EFCAB6: variants seen among roughly 807,000 people sequenced by gnomAD.
The protein encoded by EFCAB6 is EF-hand calcium-binding domain-containing protein 6.
In EFCAB6, 156 loss-of-function variants were observed where a neutral mutation model predicts 169.8. That is an observed-to-expected ratio of 0.92 (90% CI 0.81 to 1.05). The LOEUF is 1.05. Among genes scored for constraint, EFCAB6 ranks in the 50% least tolerant of loss-of-function variants. The probability of loss-of-function intolerance (pLI) is 0.00; values close to 1 mark genes in which losing one functional copy is unlikely to be tolerated. For synonymous variants in EFCAB6, 698 were observed against 676.4 expected (o/e 1.03, Z -0.50); for missense variants, 1,800 against 1,829.1 (o/e 0.98, Z 0.29).
At chr22:43,577,784 C>T (rs558276976) in intron 25 of EFCAB6, among the ~76,000 whole-genome samples, 59 of 152,052 alleles carry the variant, frequency 3.9e-4, no homozygotes, top group Middle Eastern at 3.4e-3. Context: ...GCTGCCCCTC[C>T]TCACTCCTTC....
intron 26 of EFCAB6, among the ~76,000 whole-genome samples, chr22:43,567,709 G>A (rs918275073): frequency 1.3e-5 from 2 of 152,086 alleles, no homozygotes; most frequent in Non-Finnish European, 2.9e-5. Context: ...TTCCCCCTCT[G>A]GTACCCCAGA....
intron 26 of EFCAB6, among the ~76,000 whole-genome samples, chr22:43,563,611 C>A (rs566497638): frequency 6.6e-6 from 1 of 152,166 alleles, no homozygotes; most frequent in Admixed American, 6.5e-5. Flanking sequence ...CAACGGCAGG[C>A]CTGGGATTTC....
intron 10 of EFCAB6, among the ~76,000 whole-genome samples, chr22:43,704,311 C>T (rs137818): frequency 0.23 from 34,837 of 151,914 alleles, 4,116 homozygotes; most frequent in Middle Eastern, 0.27. Context: ...CTCTCCCAGA[C>T]ATACAAAAGC....
At chr22:43,730,740 A>C (rs2059919337) in intron 8 of EFCAB6, among the ~76,000 whole-genome samples, 1 of 152,150 alleles carries the variant, frequency 6.6e-6, no homozygotes, top group African/African-American at 2.4e-5. Context: ...CACCTGCCTC[A>C]CGTGGTCGTG....
intron 15 of EFCAB6, among the ~76,000 whole-genome samples, chr22:43,669,460 C>G (rs77669783): frequency 6.6e-6 from 1 of 151,948 alleles, no homozygotes; most frequent in African/African-American, 2.4e-5. Flanking sequence ...TGAATAAAGC[C>G]AGACAAAAAA....
chr22:43,783,126 G>A, intron 2 of EFCAB6, among the ~76,000 whole-genome samples: 1 of 152,170 alleles, frequency 6.6e-6, no homozygotes, highest in African/African-American at 2.4e-5. Context: ...TCCCAAGGCT[G>A]TCTTTATTTG....
At chr22:43,647,647 C>T (rs975686540) in intron 17 of EFCAB6, among the ~76,000 whole-genome samples, 2 of 152,300 alleles carry the variant, frequency 1.3e-5, no homozygotes, top group South Asian at 2.1e-4. Context: ...AAGATGAAGT[C>T]GTGCTGGATG....
intron 10 of EFCAB6, among the ~76,000 whole-genome samples, chr22:43,693,789 A>T (rs2147205366): frequency 6.6e-6 from 1 of 152,164 alleles, no homozygotes; most frequent in Middle Eastern, 3.4e-3. Flanking sequence ...AATATTATAA[A>T]TAGCATTATG....
At chr22:43,806,914 C>T (rs1336204526) in intron 2 of EFCAB6, among the ~76,000 whole-genome samples, 3 of 152,178 alleles carry the variant, frequency 2.0e-5, no homozygotes, top group Non-Finnish European at 2.9e-5. Flanking sequence ...AAAAGCCACT[C>T]GTAATTCCAT....
In EFCAB6 at chr22:43,741,052, T is replaced by A. The variant is rs141595818; in HGVS notation, c.508-5059A>T. Among the ~76,000 whole-genome samples, 1,202 of 152,268 alleles carry A rather than the reference T, an allele frequency of 7.9e-3. 7 individuals are homozygous for A. The highest frequency in any genetic ancestry group is 0.017 in the Middle Eastern group (5 of 294). On this transcript the variant is annotated intron_variant, in intron 6 of 31. Coordinates refer to ENST00000262726, the MANE Select transcript of EFCAB6 (RefSeq NM_022785.4). The stretch of plus-strand genomic sequence containing the variant: ...AAGGGCTGAAGAATTGAGCTGCAGA[T>A]GGCGAGGCTTATCAAAGGCAACAAA...
In EFCAB6 at chr22:43,639,833, T is replaced by C. The variant is rs978213459; in HGVS notation, c.1984-4617A>G. Among the ~76,000 whole-genome samples the C allele has an allele frequency of 2.0e-5, 3 of 152,332 alleles. No individual in the cohort carries two copies. The East Asian group carries it at 5.8e-4, about 29-fold the overall frequency. On this transcript the variant is annotated intron_variant, in intron 17 of 31. Transcript: ENST00000262726. ...TGAGACACTATTCTCTCTTTCTCTC[T>C]CTTTTAAAAAATTTTTCTCTCTCCT...
rs372524268 is a variant in EFCAB6, at chr22:43,635,233, G to A, written c.1984-17C>T. On this transcript the variant is annotated splice_polypyrimidine_tract_variant and intron_variant, in intron 17 of 31. Transcript: ENST00000262726. Reference sequence around the variant, plus strand: ...TTCCAGTACCTGACGAGGGAGACAGGGGAGGGTGGAGAGGCGTTAGGTGGT... The same window carrying A: ...TTCCAGTACCTGACGAGGGAGACAGAGGAGGGTGGAGAGGCGTTAGGTGGT... 18 of 1,597,898 alleles carry A rather than the reference G, an allele frequency of 1.1e-5. No homozygotes were observed. The highest frequency in any genetic ancestry group is 1.5e-5 in the Non-Finnish European group (17 of 1,165,460).
intron 26 of EFCAB6, among the ~76,000 whole-genome samples, chr22:43,564,680 A>C (rs542097590): frequency 6.1e-4 from 93 of 152,240 alleles, no homozygotes; most frequent in Non-Finnish European, 1.1e-3. Context: ...GGTCAAGAGA[A>C]CCTGAAATTG....
intron 19 of EFCAB6, among the ~76,000 whole-genome samples, chr22:43,627,456 G>A (rs1427461044): frequency 4.6e-5 from 7 of 152,190 alleles, no homozygotes; most frequent in East Asian, 1.9e-4. Flanking sequence ...CAGTCCCTGC[G>A]TCCTTGGGTT....
chr22:43,549,316 G>C (rs2048252477), intron 27 of EFCAB6, among the ~76,000 whole-genome samples: 2 of 152,102 alleles, frequency 1.3e-5, no homozygotes, highest in African/African-American at 4.8e-5. Context: ...ATTCTGGCAA[G>C]ATTAAGCCAG....
intron 12 of EFCAB6, among the ~76,000 whole-genome samples, chr22:43,682,548 A>G (rs1206850042): frequency 1.3e-5 from 2 of 152,090 alleles, no homozygotes; most frequent in African/African-American, 4.8e-5. Flanking sequence ...ATCTTTTCCC[A>G]CGCGGCTCAG....
chr22:43,541,395 T>C (rs1436746795), intron 27 of EFCAB6, among the ~76,000 whole-genome samples: 1 of 152,152 alleles, frequency 6.6e-6, no homozygotes, highest in African/African-American at 2.4e-5. Context: ...ACTTTTTATT[T>C]AGAAATAACT....
chr22:43,762,582 T>A (rs998736651), intron 5 of EFCAB6, among the ~76,000 whole-genome samples: 1 of 152,226 alleles, frequency 6.6e-6, no homozygotes, highest in African/African-American at 2.4e-5. Flanking sequence ...GCCTACCGTA[T>A]TGCTAGAAAA....
At position 43,731,738 on chromosome 22, in the gene EFCAB6, T is replaced by C. The variant is rs776796991; in HGVS notation, c.718A>G (p.Asn240Asp). The change falls in exon 8 of 32, where the codon AAT (asparagine) becomes GAT (aspartate). Residue 240 changes from asparagine (N) to aspartate (D), a missense_variant. Coordinates refer to ENST00000262726, the MANE Select transcript of EFCAB6 (RefSeq NM_022785.4). ...YNVFLKNLSINNDLNLRYCMG... is the reference protein window; with the variant it reads ...YNVFLKNLSIDNDLNLRYCMG... ...CAATATCTAAGGTTCAAGTCGTTAT[T>C]TATGCTGAGATTCTTCAAAAACACG... is the stretch of plus-strand genomic sequence containing the variant. The C allele has an allele frequency of 2.5e-6, 4 of 1,603,292 alleles. No individual in the cohort carries two copies. The African/African-American group carries it at 5.4e-5, about 22-fold the overall frequency.
Sources: gnomAD v4.1 joint callset for allele counts (sites outside exome capture counted in the v4.1 genomes callset) on GRCh38, gnomAD v4.1.1 for gene constraint, MANE v1.5 for transcripts, NCBI Gene and HGNC (gene_info 2026-07-23, HGNC 2026-07-21) for gene names.